Variants in GTF3C2 observed in about 807,000 individuals in gnomAD.
The protein encoded by GTF3C2 is general transcription factor IIIC subunit 2.
Under a neutral mutation model 117.4 loss-of-function variants are expected in GTF3C2, and 17 were observed. The ratio of observed to expected loss-of-function variants is 0.14; its 90% CI spans 0.10 to 0.22. The LOEUF (loss-of-function observed/expected upper bound fraction) is 0.22. GTF3C2 is among the 10% of genes least tolerant of loss of function. GTF3C2 has a pLI of 1.00. For synonymous variants in GTF3C2, 437 were observed against 427.0 expected (o/e 1.02, Z -0.29); for missense variants, 888 against 1,143.6 (o/e 0.78, Z 3.22).
At chr2:27,350,734 G>C (rs1444216156) in intron 1 of GTF3C2, 1 of 152,300 alleles carries the variant, frequency 6.6e-6, no homozygotes, top group Non-Finnish European at 1.5e-5. Flanking sequence ...ATCACCTAAG[G>C]TCAGGAGTTC....
rs144256545 is a variant in GTF3C2, at chr2:27,346,330, CTTTTTTTTTTTTTTTTTTTTTTTT to C, written c.-24-2776_-24-2753del. ...TTAGCCACCGTGCCCATTCTGATAC[CTTTTTTTTTTTTTTTTTTTTTTTT>C]TTTTTTTTTTTTTTTGAGACAGAGT... On this transcript the variant is annotated intron_variant, in intron 1 of 18. Transcript: ENST00000264720. Among the ~76,000 whole-genome samples, 12 of 64,354 alleles carry C rather than the reference CTTTTTTTTTTTTTTTTTTTTTTTT, an allele frequency of 1.9e-4. 1 individual carries two copies. Among genetic ancestry groups the C allele is most frequent in the East Asian group, 5.1e-4 (1 of 1,974 alleles). The allele number at this position is 64,354 out of a possible 152,430, so 42.2% of individuals were successfully genotyped here. A position where few individuals can be genotyped will look rare whatever the true frequency, so the allele number is the denominator to read the frequency against.
chr2:27,336,657 G>A (rs1680491041), intron 7 of GTF3C2: 1 of 485,068 alleles, frequency 2.1e-6, no homozygotes, highest in African/African-American at 1.9e-5. Context: ...ACCCAGGATG[G>A]AGTGCAGTGG....
At chr2:27,354,912 T>G (rs1389790766) in intron 1 of GTF3C2, among the ~76,000 whole-genome samples, 1 of 152,224 alleles carries the variant, frequency 6.6e-6, no homozygotes, top group Non-Finnish European at 1.5e-5. Context: ...CAATAAATAT[T>G]CTAGTACAAA....
chr2:27,328,375 C>G (rs372344913), intron 16 of GTF3C2, 93 bp downstream of exon 16: 17 of 1,332,522 alleles, frequency 1.3e-5, no homozygotes, highest in Non-Finnish European at 1.8e-5. Flanking sequence ...ATATCAGGGC[C>G]GGGAGACCTG....
exon 19 of GTF3C2, chr2:27,326,076 T>A: frequency 2.6e-6 from 1 of 389,820 alleles, no homozygotes; most frequent in Non-Finnish European, 5.2e-6. Flanking sequence ...TGATTGGGAA[T>A]ACTTCGTAAG....
Position 27,336,203 on chromosome 2 carries a change from T to C in GTF3C2, c.1350A>G (p.Glu450=), listed in dbSNP as rs769753454. 1.9e-6 allele frequency: 3 copies of C among 1,612,476 alleles called. No individual in the cohort carries two copies. In the South Asian group the frequency reaches 3.3e-5, roughly 18 times the overall value. The change falls in exon 8 of 19, where the codon GAA becomes GAG. Residue 450 remains glutamate, a synonymous_variant. Coordinates refer to ENST00000264720, the Ensembl canonical transcript of GTF3C2. ...AGTGTCCAACCCCACCTCACCAGCTTTCTTGCTGCAAGGTCCCAAGGCCCC... is the reference window on the plus strand; with the variant it reads ...AGTGTCCAACCCCACCTCACCAGCTCTCTTGCTGCAAGGTCCCAAGGCCCC...
chr2:27,328,244 A>G, intron 16 of GTF3C2, 55 bp from the exon 17 acceptor site: 1 of 1,415,792 alleles, frequency 7.1e-7, no homozygotes, highest in Non-Finnish European at 9.7e-7. Flanking sequence ...GAATAAAAGC[A>G]GAGGAAAGTG....
intron 4 of GTF3C2, chr2:27,341,745 A>G (rs372572602): frequency 3.5e-6 from 2 of 576,982 alleles, no homozygotes; most frequent in East Asian, 5.6e-5. Flanking sequence ...TACTCAATAT[A>G]TGAATGAATA....
chr2:27,327,313 G>T, intron 17 of GTF3C2, 29 bp from the exon 18 acceptor site: 1 of 1,177,016 alleles, frequency 8.5e-7, no homozygotes, highest in Non-Finnish European at 1.3e-6. Context: ...ATAGGAGAGA[G>T]AAAGTGAGAC....
chr2:27,327,982 A>T lies in GTF3C2; in HGVS notation c.2409+55T>A, dbSNP rs945104835. On this transcript the variant is annotated intron_variant, in intron 17 of 18. Transcript: ENST00000264720. ...ACTCAGGCTTGCGTACTATACAAAG[A>T]CTAAAGTTTTCTACCTTTTCTAATA... 17 of 1,481,848 alleles carry T rather than the reference A, an allele frequency of 1.1e-5. No homozygotes were observed. In the East Asian group the frequency reaches 3.2e-4, roughly 28 times the overall value. 91.8% of individuals were successfully genotyped at this position (1,481,848 alleles called of 1,614,324 possible).
At chr2:27,331,744 G>T (rs1338872018) in intron 12 of GTF3C2, among the ~76,000 whole-genome samples, 2 of 151,980 alleles carry the variant, frequency 1.3e-5, no homozygotes, top group Non-Finnish European at 2.9e-5. Flanking sequence ...GTGAAGACCA[G>T]CCTGGGCAAC....
rs1229067289 is a variant in GTF3C2 at position 27,329,531 on chromosome 2, A to G, written c.1733-8T>C. 4 of 1,613,736 alleles carry G rather than the reference A, an allele frequency of 2.5e-6. No homozygotes were observed. In the Admixed American group the frequency reaches 5.0e-5, roughly 20 times the overall value. On this transcript the variant is annotated splice_polypyrimidine_tract_variant and splice_region_variant and intron_variant, in intron 12 of 18. Coordinates refer to ENST00000264720, the Ensembl canonical transcript of GTF3C2. The surrounding 1 kb of genome is among the most constrained non-coding windows in gnomAD (Gnocchi z 4.5). ...TCCAGAAAACCACCATGCCTGAAAT[A>G]AGGACAGAATGTGTGAGCATTAAAA...
chr2:27,327,192 C>T, exon 18 of GTF3C2: 2 of 1,582,062 alleles, frequency 1.3e-6, no homozygotes, highest in East Asian at 2.2e-5. Flanking sequence ...GAATAGCCTC[C>T]AGCTGCAGCC....
intron 1 of GTF3C2, among the ~76,000 whole-genome samples, chr2:27,354,035 A>G (rs559723134): frequency 1.1e-4 from 16 of 148,974 alleles, no homozygotes; most frequent in African/African-American, 3.8e-4. Flanking sequence ...TAACGTATGT[A>G]TAAAGACAAA....
At chr2:27,355,465 A>G (rs908089116) in intron 1 of GTF3C2, among the ~76,000 whole-genome samples, 5 of 151,962 alleles carry the variant, frequency 3.3e-5, no homozygotes, top group African/African-American at 9.7e-5. Flanking sequence ...GGTTGCAGTG[A>G]GCCGAGATCA....
At chr2:27,334,719 T>C (rs1017377442) in intron 10 of GTF3C2, among the ~76,000 whole-genome samples, 4 of 151,998 alleles carry the variant, frequency 2.6e-5, no homozygotes, top group African/African-American at 7.3e-5. Context: ...CTCAGTTCAC[T>C]GCAGCCTCAA....
At chr2:27,343,481 G>C in exon 2 of GTF3C2, 1 of 1,614,096 alleles carries the variant, frequency 6.2e-7, no homozygotes, top group Non-Finnish European at 8.5e-7. Flanking sequence ...TTGTCCAGGA[G>C]AGTCTACCAC....
Position 27,349,143 on chromosome 2 carries a change from G to T in GTF3C2, c.-24-5565C>A, listed in dbSNP as rs142285348. Among the ~76,000 whole-genome samples, 13 of 43,718 alleles carry T rather than the reference G, an allele frequency of 3.0e-4. 3 individuals are homozygous for T. Among genetic ancestry groups the T allele is most frequent in the African/African-American group, 4.3e-4 (4 of 9,380 alleles). The allele number at this position is 43,718 out of a possible 152,430, so 28.7% of individuals were successfully genotyped here. On this transcript the variant is annotated intron_variant, in intron 1 of 18. Transcript: ENST00000264720. ...TGAGCCACTGTGCCCAGCCTGATTT[G>T]ATTTTTTTTTTTTTTTTTTTTTGAG...
At chr2:27,345,582 G>C (rs1484694744) in intron 1 of GTF3C2, among the ~76,000 whole-genome samples, 1 of 151,988 alleles carries the variant, frequency 6.6e-6, no homozygotes, top group Non-Finnish European at 1.5e-5. Context: ...GACAGAGTGA[G>C]ACTCTGTCTT....
Sources: allele counts gnomAD v4.1 joint callset (sites outside exome capture counted in the v4.1 genomes callset), GRCh38; gene constraint gnomAD v4.1.1; non-coding constraint Gnocchi (gnomAD v3.1); transcripts MANE v1.5; gene names NCBI Gene and HGNC (gene_info 2026-07-23, HGNC 2026-07-21).